Variants in PLCL2 observed in about 807,000 individuals in gnomAD.
The protein encoded by PLCL2 is inactive phospholipase C-like protein 2.
PLCL2 carries 4 observed loss-of-function variants against 79.6 expected under a neutral mutation model. The observed-to-expected ratio is 0.05, with a 90% confidence interval of 0.02 to 0.11. PLCL2 has a LOEUF of 0.11. Among genes scored for constraint, PLCL2 ranks in the 10% least tolerant of loss-of-function variants. The probability of loss-of-function intolerance (pLI) is 1.00; values close to 1 mark genes in which losing one functional copy is unlikely to be tolerated. For synonymous variants in PLCL2, 484 were observed against 457.7 expected, an observed-to-expected ratio of 1.06 and a Z score of -0.73; for missense variants, 895 against 1,291.0, an observed-to-expected ratio of 0.69 and a Z score of 4.70.
chr3:16,915,591 T>A (rs1228824640), intron 1 of PLCL2, among the ~76,000 whole-genome samples: 1 of 152,220 alleles, frequency 6.6e-6, no homozygotes, highest in Non-Finnish European at 1.5e-5. Context: ...TTTTTCCTTT[T>A]AATTTTATTA....
intron 1 of PLCL2, among the ~76,000 whole-genome samples, chr3:16,953,263 T>C (rs1473485789): frequency 2.6e-5 from 4 of 152,178 alleles, no homozygotes; most frequent in Admixed American, 2.6e-4. Flanking sequence ...GAGTAATACA[T>C]AGGAAATAAC....
At chr3:16,999,049 T>G (rs1174507943) in intron 1 of PLCL2, among the ~76,000 whole-genome samples, 1 of 152,186 alleles carries the variant, frequency 6.6e-6, no homozygotes, top group South Asian at 2.1e-4. Flanking sequence ...ATTCTGGAGA[T>G]TATGGGGATC....
chr3:16,977,798 T>C (rs1363403576), intron 1 of PLCL2, among the ~76,000 whole-genome samples: 1 of 152,138 alleles, frequency 6.6e-6, no homozygotes, highest in Non-Finnish European at 1.5e-5. Context: ...ACAATGAAAA[T>C]TTATTTCTCA....
chr3:16,971,068 T>G (rs1575561815), intron 1 of PLCL2, among the ~76,000 whole-genome samples: 4 of 149,224 alleles, frequency 2.7e-5, no homozygotes, highest in Admixed American at 6.6e-5. Flanking sequence ...TTAGTTTAAT[T>G]AGATCCCATT....
intron 1 of PLCL2, among the ~76,000 whole-genome samples, chr3:17,000,019 T>A (rs952556639): frequency 4.6e-5 from 7 of 152,154 alleles, no homozygotes; most frequent in African/African-American, 1.7e-4. Context: ...GATTCTAAAC[T>A]TCTTAGAGGA....
intron 3 of PLCL2, among the ~76,000 whole-genome samples, chr3:17,038,617 T>G (rs1443581249): frequency 2.0e-5 from 3 of 152,144 alleles, no homozygotes; most frequent in Non-Finnish European, 4.4e-5. Flanking sequence ...ATTTATTATT[T>G]ATAATAATGA....
intron 3 of PLCL2, among the ~76,000 whole-genome samples, chr3:17,040,137 T>TA (rs2064704439): frequency 6.6e-6 from 1 of 152,200 alleles, no homozygotes; most frequent in Non-Finnish European, 1.5e-5. Context: ...TTTATATATA[T>TA]ACTTTAAGTT....
chr3:17,067,317 A>G (rs1300056255), intron 4 of PLCL2, among the ~76,000 whole-genome samples: 1 of 152,214 alleles, frequency 6.6e-6, no homozygotes, highest in Non-Finnish European at 1.5e-5. Flanking sequence ...AAAATTTTTA[A>G]ATTTATGTGA....
At chr3:17,075,478 C>T (rs922561973) in intron 5 of PLCL2, among the ~76,000 whole-genome samples, 1 of 148,976 alleles carries the variant, frequency 6.7e-6, no homozygotes, top group Non-Finnish European at 1.5e-5. Context: ...ACAAAGTGAA[C>T]ACATGCTGTT....
chr3:16,999,999 A>G (rs1360622079), intron 1 of PLCL2, among the ~76,000 whole-genome samples: 1 of 152,078 alleles, frequency 6.6e-6, no homozygotes, highest in African/African-American at 2.4e-5. Flanking sequence ...GTTTATGTTA[A>G]TAAGGCCATG....
intron 4 of PLCL2, among the ~76,000 whole-genome samples, chr3:17,052,017 G>A (rs2064846104): frequency 1.3e-5 from 2 of 152,000 alleles, no homozygotes; most frequent in East Asian, 1.9e-4. Flanking sequence ...ATATGGAAAG[G>A]ATTATTAATG....
chr3:17,012,446 T>C lies in PLCL2; in HGVS notation c.2814+286T>C, dbSNP rs184725605. On this transcript the variant is annotated intron_variant, in intron 2 of 5. Coordinates refer to ENST00000615277, the MANE Select transcript of PLCL2 (RefSeq NM_001144382.2). ...GACTGCTGAACAGTTCCTTGTTTTT[T>C]TCTAATAGTATACATGGGAATCTCT... 2.5e-3 allele frequency among the ~76,000 whole-genome samples: 376 copies of C among 152,356 alleles called. 3 individuals are homozygous for C. Among genetic ancestry groups the C allele is most frequent in the Non-Finnish European group, 4.2e-3 (286 of 68,036 alleles).
At chr3:16,965,646 T>C (rs1486551233) in intron 1 of PLCL2, among the ~76,000 whole-genome samples, 10 of 152,186 alleles carry the variant, frequency 6.6e-5, no homozygotes, top group East Asian at 1.9e-4. Context: ...ATTCTTCCTA[T>C]CCATGAGCAT....
intron 1 of PLCL2, among the ~76,000 whole-genome samples, chr3:16,918,816 G>A (rs537734716): frequency 1.3e-5 from 2 of 152,206 alleles, no homozygotes; most frequent in East Asian, 1.9e-4. Context: ...TGCTCACATA[G>A]CACTGGAATA....
Position 17,079,995 on chromosome 3 carries a change from C to T in PLCL2, c.3205-9738C>T, listed in dbSNP as rs932659889. Reference sequence around the variant, plus strand: ...GCTGTGCTTAGAGGGCTCTCCTTTCCGCTCCTGCACAGAACCCTTCATCCC... The same window carrying T: ...GCTGTGCTTAGAGGGCTCTCCTTTCTGCTCCTGCACAGAACCCTTCATCCC... On this transcript the variant is annotated intron_variant, in intron 5 of 5. Transcript: ENST00000615277. Among the ~76,000 whole-genome samples, 18 of 152,272 alleles carry T rather than the reference C, an allele frequency of 1.2e-4. No individual in the cohort carries two copies. The East Asian group carries it at 1.4e-3, about 11-fold the overall frequency.
intron 1 of PLCL2, among the ~76,000 whole-genome samples, chr3:16,941,937 G>A (rs2063551364): frequency 6.6e-6 from 1 of 151,734 alleles, no homozygotes; most frequent in South Asian, 2.1e-4. Flanking sequence ...GTTACTCCAT[G>A]AATTGTAAAC....
At chr3:17,028,168 G>C (rs1321035877) in intron 3 of PLCL2, among the ~76,000 whole-genome samples, 1 of 150,378 alleles carries the variant, frequency 6.6e-6, no homozygotes, top group East Asian at 1.9e-4. Flanking sequence ...GAATTGGGTA[G>C]AGTTAGTGAG....
chr3:16,998,217 T>A (rs182041804), intron 1 of PLCL2, among the ~76,000 whole-genome samples: 1 of 152,118 alleles, frequency 6.6e-6, no homozygotes, highest in African/African-American at 2.4e-5. Context: ...TTCAAAGTTA[T>A]CCTGAAATAG....
chr3:16,999,601 G>A (rs1391494548), intron 1 of PLCL2, among the ~76,000 whole-genome samples: 1 of 152,150 alleles, frequency 6.6e-6, no homozygotes, highest in East Asian at 1.9e-4. Flanking sequence ...TATTTTACAG[G>A]TGAGGAAACC....
Sources: allele counts gnomAD v4.1 joint callset (sites outside exome capture counted in the v4.1 genomes callset), GRCh38; gene constraint gnomAD v4.1.1; transcripts MANE v1.5; gene names NCBI Gene and HGNC (gene_info 2026-07-23, HGNC 2026-07-21).